Variants in HERC5 observed in about 807,000 individuals in gnomAD.
HERC5 encodes HECT and RLD domain containing E3 ubiquitin protein ligase 5.
A neutral mutation model predicts 119.6 loss-of-function variants in HERC5; 99 were observed. The observed-to-expected ratio is 0.83, with a 90% CI of 0.70 to 0.98. HERC5 has a LOEUF of 0.98. HERC5 is among the 50% of genes least tolerant of loss of function. The probability of loss-of-function intolerance (pLI) is 0.00; values close to 1 mark genes in which losing one functional copy is unlikely to be tolerated. For synonymous variants in HERC5, 478 were observed against 445.9 expected, an observed-to-expected ratio of 1.07 and a Z score of -0.91; for missense variants, 1,267 against 1,241.3, an observed-to-expected ratio of 1.02 and a Z score of -0.31.
In HERC5 at chr4:88,457,182, C is replaced by T. The variant is rs1442696871; in HGVS notation, c.-88C>T. 2 of 1,238,220 alleles carry T rather than the reference C, an allele frequency of 1.6e-6. No homozygotes were observed. The highest frequency in any genetic ancestry group is 3.5e-5 in the South Asian group (1 of 28,196). 76.7% of individuals were successfully genotyped at this position (1,238,220 alleles called of 1,614,324 possible). A position where few individuals can be genotyped will look rare whatever the true frequency, so the allele number is the denominator to read the frequency against. On this transcript the variant is annotated 5_prime_UTR_variant, in exon 1 of 23. Transcript: ENST00000264350. ...CGCGCAGCTGGTTCCCGCTCTGCAG[C>T]GCAACGCCTGAGGCAGTGGGCGCGC...
At chr4:88,503,861 T>C (rs959358823) in intron 20 of HERC5, among the ~76,000 whole-genome samples, 3 of 152,076 alleles carry the variant, frequency 2.0e-5, no homozygotes, top group African/African-American at 7.2e-5. Flanking sequence ...GGTCAGGAGT[T>C]TGAGAGCAGC....
chr4:88,471,885 C>T (rs996884170), intron 10 of HERC5, among the ~76,000 whole-genome samples: 3 of 151,824 alleles, frequency 2.0e-5, no homozygotes, highest in Non-Finnish European at 4.4e-5. Context: ...TTTCTTCCTT[C>T]CTTCCTTCCT....
chr4:88,464,304 A>G (rs1560598694), intron 6 of HERC5, among the ~76,000 whole-genome samples: 2 of 151,918 alleles, frequency 1.3e-5, no homozygotes, highest in South Asian at 4.1e-4. Flanking sequence ...ATTTGGGAAA[A>G]ATAAAATGTA....
intron 7 of HERC5, chr4:88,467,816 T>A (rs753467776): frequency 3.5e-6 from 3 of 845,630 alleles, no homozygotes; most frequent in Non-Finnish European, 4.3e-6. Context: ...AAACACTCCA[T>A]TGTAGAAGCA....
At position 88,489,448 on chromosome 4, in the gene HERC5, T is replaced by C. The variant is rs1409179900; in HGVS notation, c.2133+112T>C. On this transcript the variant is annotated intron_variant, in intron 16 of 22. Transcript: ENST00000264350. ...TTATCTTCCTTTGCCACAGAGGTTGTTTATTTTAGGGTTCCTCTGATTCCC... is the reference window on the plus strand; with the variant it reads ...TTATCTTCCTTTGCCACAGAGGTTGCTTATTTTAGGGTTCCTCTGATTCCC... The C allele has an allele frequency of 3.8e-6, 4 of 1,063,078 alleles. No homozygotes were observed. In the African/African-American group the frequency reaches 6.4e-5, roughly 17 times the overall value. 65.9% of individuals were successfully genotyped at this position (1,063,078 alleles called of 1,614,324 possible). A position where few individuals can be genotyped will look rare whatever the true frequency, so the allele number is the denominator to read the frequency against.
chr4:88,465,249 G>A (rs763990710), intron 6 of HERC5, among the ~76,000 whole-genome samples: 2 of 152,150 alleles, frequency 1.3e-5, no homozygotes, highest in Admixed American at 6.5e-5. Context: ...ATCAGTCCAC[G>A]TCTTGCCAGA....
intron 20 of HERC5, 97 bp downstream of exon 20, chr4:88,501,082 A>C: frequency 2.6e-6 from 2 of 773,958 alleles, no homozygotes; most frequent in Non-Finnish European, 4.2e-6. Flanking sequence ...TTTCATTCTC[A>C]TTAATCATTT....
intron 3 of HERC5, 100 bp downstream of exon 3, chr4:88,460,271 T>TA: frequency 1.8e-6 from 1 of 564,106 alleles, no homozygotes. Context: ...AGGACAGAAA[T>TA]ACAGTTTTGA....
intron 6 of HERC5, 51 bp downstream of exon 6, chr4:88,464,036 G>C: frequency 2.7e-6 from 4 of 1,472,744 alleles, no homozygotes; most frequent in Non-Finnish European, 3.7e-6. Flanking sequence ...CAGCAAACTA[G>C]ATAGTAATTT....
chr4:88,503,358 A>G (rs1043626916), intron 20 of HERC5, among the ~76,000 whole-genome samples: 1 of 152,102 alleles, frequency 6.6e-6, no homozygotes, highest in African/African-American at 2.4e-5. Flanking sequence ...AATGTTAGGT[A>G]GTTTTCTATG....
Position 88,486,147 on chromosome 4 carries a change from T to C in HERC5, c.1770T>C (p.Ser590=). ...VNQVKCQLPE[S]IFQVDELLHR... ...AGGTGAAATGTCAACTACCTGAAAG[T>C]ATTTTCCAAGTAGACGAACTCTTGC... Residue 590 remains serine (S), a synonymous_variant, in exon 14 of 23, where the codon AGT becomes AGC. Transcript: ENST00000264350. 1 of 1,612,114 alleles carries C rather than the reference T, an allele frequency of 6.2e-7. No individual in the cohort carries two copies. The highest frequency in any genetic ancestry group is 8.5e-7 in the Non-Finnish European group (1 of 1,178,734).
At position 88,463,962 on chromosome 4, in the gene HERC5, A is replaced by G; in HGVS notation, c.888A>G (p.Arg296=). 6.2e-7 allele frequency: 1 copy of G among 1,613,784 alleles called. No individual in the cohort carries two copies. The highest frequency in any genetic ancestry group is 8.5e-7 in the Non-Finnish European group (1 of 1,179,956). Residue 296 remains arginine (R), a synonymous_variant, in exon 6 of 23, where the codon AGA becomes AGG. Transcript: ENST00000264350. ...TGGTGGCTGAGCTTGTTGGGTATAG[A>G]GTGACTCAGATAGCATGTGGAAGGT... The part of the protein sequence containing the change: ...PCLVAELVGY[R]VTQIACGRWH...
At chr4:88,475,262 G>T (rs1413101636) in intron 11 of HERC5, among the ~76,000 whole-genome samples, 1 of 148,982 alleles carries the variant, frequency 6.7e-6, no homozygotes, top group Admixed American at 6.7e-5. Context: ...CTGTTTATTA[G>T]TTCTGAATCT....
intron 1 of HERC5, among the ~76,000 whole-genome samples, chr4:88,458,795 GT>G (rs981878561): frequency 3.6e-4 from 55 of 152,140 alleles, no homozygotes; most frequent in African/African-American, 1.2e-3. Context: ...AGGGCCAAAT[GT>G]GCACTAATGC....
rs566361835 is a variant in HERC5 at position 88,473,556 on chromosome 4, A to T, written c.1392+1054A>T. 2.6e-5 allele frequency: 4 copies of T among 152,356 alleles called. No homozygotes were observed. In the South Asian group the frequency reaches 8.3e-4, roughly 32 times the overall value. The allele number at this position is 152,356 out of a possible 1,614,324, so 9.4% of individuals were successfully genotyped here. A position where few individuals can be genotyped will look rare whatever the true frequency, so the allele number is the denominator to read the frequency against. On this transcript the variant is annotated intron_variant, in intron 11 of 22. Coordinates refer to ENST00000264350, the MANE Select transcript of HERC5 (RefSeq NM_016323.4). ...GAACCACAGCCCCACTGGGGGTCCG[A>T]GGTGAAATGGTTCCCTAATTATGTA...
At chr4:88,459,682 T>G (rs951079840) in intron 2 of HERC5, among the ~76,000 whole-genome samples, 1 of 152,174 alleles carries the variant, frequency 6.6e-6, no homozygotes, top group African/African-American at 2.4e-5. Context: ...ATAGTCTGCC[T>G]AGCCCTAAAT....
At chr4:88,482,613 G>A (rs1741316642) in intron 13 of HERC5, among the ~76,000 whole-genome samples, 1 of 152,162 alleles carries the variant, frequency 6.6e-6, no homozygotes, top group African/African-American at 2.4e-5. Context: ...CCAGGTCCTT[G>A]GTATATGCAG....
chr4:88,483,778 C>T (rs1741366560), intron 13 of HERC5, among the ~76,000 whole-genome samples: 1 of 152,168 alleles, frequency 6.6e-6, no homozygotes. Flanking sequence ...GATTTTCCCA[C>T]CTTGGCCTCC....
intron 18 of HERC5, among the ~76,000 whole-genome samples, chr4:88,497,642 A>G (rs1214142811): frequency 6.6e-6 from 1 of 152,190 alleles, no homozygotes; most frequent in Non-Finnish European, 1.5e-5. Flanking sequence ...TTAAAGTGGA[A>G]TTTATCATTA....
Sources: allele counts gnomAD v4.1 joint callset (sites outside exome capture counted in the v4.1 genomes callset), GRCh38; gene constraint gnomAD v4.1.1; transcripts MANE v1.5; gene names NCBI Gene and HGNC (gene_info 2026-07-23, HGNC 2026-07-21).